The following HPSE2 variants were observed in gnomAD, a reference collection of about 807,000 sequenced individuals.
The protein encoded by HPSE2 is inactive heparanase-2.
HPSE2 carries 38 observed loss-of-function variants against 60.5 expected under a neutral mutation model. The ratio of observed to expected loss-of-function variants is 0.63; its 90% CI spans 0.48 to 0.82. The LOEUF (loss-of-function observed/expected upper bound fraction) is 0.82, where lower values mean the gene tolerates loss of function less well. Ranked by LOEUF, HPSE2 falls within the 40% of genes least tolerant of loss-of-function variation. The probability of loss-of-function intolerance (pLI) is 0.00; values close to 1 mark genes in which losing one functional copy is unlikely to be tolerated. For missense variants in HPSE2, 713 were observed against 740.4 expected (o/e 0.96, Z 0.43); for synonymous variants, 295 against 293.2 (o/e 1.01, Z -0.06).
At chr10:99,156,516 T>C (rs1194383342) in intron 2 of HPSE2, among the ~76,000 whole-genome samples, 3 of 130,942 alleles carry the variant, frequency 2.3e-5, no homozygotes, top group Non-Finnish European at 5.1e-5. Context: ...ATTATCTCAA[T>C]AGATGCAGAA....
chr10:99,131,185 A>T (rs899168515), intron 3 of HPSE2, among the ~76,000 whole-genome samples: 25 of 152,356 alleles, frequency 1.6e-4, no homozygotes, highest in African/African-American at 5.8e-4. Flanking sequence ...TAGAAGGCAC[A>T]TACCTCAATG....
chr10:98,571,893 GATC>G (rs1350281411), intron 9 of HPSE2, among the ~76,000 whole-genome samples: 1 of 151,700 alleles, frequency 6.6e-6, no homozygotes, highest in East Asian at 1.9e-4. Context: ...ATCTATTCTG[GATC>G]ATGAGTCCTT....
chr10:98,467,424 C>T (rs1940582463), intron 11 of HPSE2, among the ~76,000 whole-genome samples: 1 of 151,966 alleles, frequency 6.6e-6, no homozygotes, highest in African/African-American at 2.4e-5. Flanking sequence ...ATGAAATGTG[C>T]AGGTCTAGGT....
intron 3 of HPSE2, among the ~76,000 whole-genome samples, chr10:98,750,350 C>T (rs766714505): frequency 4.6e-5 from 7 of 152,104 alleles, no homozygotes; most frequent in Non-Finnish European, 5.9e-5. Flanking sequence ...AAGGGCCTTA[C>T]TGGTCATTAT....
Position 99,172,118 on chromosome 10 carries a change from C to T in HPSE2, c.449-27719G>A, listed in dbSNP as rs555752192. On this transcript the variant is annotated intron_variant, in intron 2 of 11. Transcript: ENST00000370552. Reference sequence around the variant, plus strand: ...TTGTGTGATGCTGAGGTTTAGGATACGAATGATCCCATCATCCAGATAGTG... The same window carrying T: ...TTGTGTGATGCTGAGGTTTAGGATATGAATGATCCCATCATCCAGATAGTG... Among the ~76,000 whole-genome samples the T allele has an allele frequency of 4.6e-5, 7 of 152,170 alleles. No homozygotes were observed. The East Asian group carries it at 7.7e-4, about 17-fold the overall frequency.
chr10:98,646,185 T>G (rs1056713631), intron 6 of HPSE2, among the ~76,000 whole-genome samples: 1 of 152,214 alleles, frequency 6.6e-6, no homozygotes, highest in African/African-American at 2.4e-5. Context: ...CTGATGGTAG[T>G]TGCATGTGGT....
At chr10:98,936,839 C>T (rs1317220087) in intron 3 of HPSE2, among the ~76,000 whole-genome samples, 5 of 140,352 alleles carry the variant, frequency 3.6e-5, no homozygotes, top group Non-Finnish European at 7.5e-5. Flanking sequence ...ATTAGCTGGG[C>T]GTGGTAGCAC....
intron 3 of HPSE2, among the ~76,000 whole-genome samples, chr10:99,044,756 A>C (rs977459370): frequency 6.6e-6 from 1 of 152,238 alleles, no homozygotes. Context: ...AGTATAAAAT[A>C]ACAAGGGCAA....
intron 3 of HPSE2, among the ~76,000 whole-genome samples, chr10:99,036,810 C>T (rs1957619613): frequency 6.6e-6 from 1 of 152,122 alleles, no homozygotes; most frequent in Non-Finnish European, 1.5e-5. Context: ...GTCCAGAAAT[C>T]CCTCCATACT....
At chr10:99,134,160 A>T (rs1459934919) in intron 3 of HPSE2, among the ~76,000 whole-genome samples, 2 of 152,282 alleles carry the variant, frequency 1.3e-5, no homozygotes, top group Middle Eastern at 3.4e-3. Flanking sequence ...AGAGAAGACA[A>T]GATTAGAGAA....
At chr10:99,249,518 T>C in the HPSE2 span, among the ~76,000 whole-genome samples, 2 of 152,224 alleles carry the variant, frequency 1.3e-5, no homozygotes, top group Non-Finnish European at 2.9e-5. Flanking sequence ...TTGTTTTTGA[T>C]TTTACAGGCT....
Position 98,721,796 on chromosome 10 carries a change from C to A in HPSE2, c.817G>T (p.Ala273Ser). 1.2e-6 allele frequency: 2 copies of A among 1,613,536 alleles called. No homozygotes were observed. The highest frequency in any genetic ancestry group is 1.7e-6 in the Non-Finnish European group (2 of 1,179,806). ...PNNYRTMHGR[A>S]VNGSQLGKDY... ...TTTCCCAACTGGCTGCCATTTACTG[C>A]CCGGCCATGCATGGTCCGATAGTTA... The change falls in exon 5 of 12, where the codon GCA becomes TCA. Residue 273 changes from alanine to serine, a missense_variant. Coordinates refer to ENST00000370552, the MANE Select transcript of HPSE2 (RefSeq NM_021828.5).
chr10:99,065,421 T>G (rs1402061632), intron 3 of HPSE2, among the ~76,000 whole-genome samples: 1 of 152,016 alleles, frequency 6.6e-6, no homozygotes, highest in African/African-American at 2.4e-5. Flanking sequence ...TTTACATTGA[T>G]TAGTAAAAAA....
At chr10:98,460,611 T>TA (rs1940247106) in intron 11 of HPSE2, among the ~76,000 whole-genome samples, 4 of 151,812 alleles carry the variant, frequency 2.6e-5, no homozygotes, top group African/African-American at 4.8e-5. Flanking sequence ...ACTCTGTCCC[T>TA]AAAAAAAACA....
At chr10:99,150,167 G>C (rs540511183) in intron 2 of HPSE2, among the ~76,000 whole-genome samples, 1 of 152,222 alleles carries the variant, frequency 6.6e-6, no homozygotes, top group Admixed American at 6.5e-5. Flanking sequence ...TCAATTTATT[G>C]TCTATAATTA....
At chr10:99,116,799 A>T (rs1016120376) in intron 3 of HPSE2, among the ~76,000 whole-genome samples, 18 of 152,174 alleles carry the variant, frequency 1.2e-4, no homozygotes, top group Non-Finnish European at 1.3e-4. Flanking sequence ...GGCAGGGAGA[A>T]GGGAAGGTAG....
chr10:98,997,035 T>G (rs1406669853), intron 3 of HPSE2, among the ~76,000 whole-genome samples: 1 of 152,064 alleles, frequency 6.6e-6, no homozygotes, highest in Non-Finnish European at 1.5e-5. Flanking sequence ...AAAAAAATTT[T>G]TAATAATTTA....
At chr10:99,268,536 C>T in the HPSE2 span, among the ~76,000 whole-genome samples, 1 of 151,270 alleles carries the variant, frequency 6.6e-6, no homozygotes, top group African/African-American at 2.4e-5. Context: ...ATCCCAGCTA[C>T]CTGGGAGGCT....
intron 11 of HPSE2, among the ~76,000 whole-genome samples, chr10:98,473,591 T>C (rs892244042): frequency 6.6e-6 from 1 of 151,452 alleles, no homozygotes; most frequent in African/African-American, 2.4e-5. Context: ...GATAAAATTC[T>C]AAAACTCAGT....
Sources: gnomAD v4.1 joint callset for allele counts (sites outside exome capture counted in the v4.1 genomes callset) on GRCh38, gnomAD v4.1.1 for gene constraint, MANE v1.5 for transcripts, NCBI Gene and HGNC (gene_info 2026-07-23, HGNC 2026-07-21) for gene names.